The following CNTNAP2 variants were observed in gnomAD, a reference collection of about 807,000 sequenced individuals.
CNTNAP2 encodes the protein contactin-associated protein-like 2.
CNTNAP2 carries 98 observed loss-of-function variants against 155.2 expected under a neutral mutation model. The ratio of observed to expected loss-of-function variants is 0.63; its 90% confidence interval spans 0.54 to 0.75. CNTNAP2 has a LOEUF of 0.75. Ranked by LOEUF, CNTNAP2 falls within the 30% of genes least tolerant of loss-of-function variation. CNTNAP2 has a pLI of 0.00. For synonymous variants in CNTNAP2, 651 were observed against 631.2 expected (o/e 1.03, Z -0.47); for missense variants, 1,727 against 1,688.1 (o/e 1.02, Z -0.40).
At chr7:146,760,343 C>A (rs1327075447) in intron 1 of CNTNAP2, among the ~76,000 whole-genome samples, 2 of 149,992 alleles carry the variant, frequency 1.3e-5, no homozygotes, top group African/African-American at 4.9e-5. Flanking sequence ...ATATCTTTCA[C>A]CACTTTCTTC....
At chr7:148,231,252 C>G (rs902119249) in intron 20 of CNTNAP2, among the ~76,000 whole-genome samples, 13 of 152,028 alleles carry the variant, frequency 8.6e-5, no homozygotes, top group African/African-American at 3.1e-4. Flanking sequence ...AGACTTGGGG[C>G]TTTGGAGGCA....
intron 1 of CNTNAP2, among the ~76,000 whole-genome samples, chr7:146,561,625 C>G (rs937448578): frequency 4.6e-5 from 7 of 152,234 alleles, no homozygotes; most frequent in African/African-American, 1.7e-4. Context: ...AACCACTGCA[C>G]TCAGACTGGG....
At chr7:147,089,955 G>A (rs1800365083) in intron 4 of CNTNAP2, among the ~76,000 whole-genome samples, 2 of 152,216 alleles carry the variant, frequency 1.3e-5, no homozygotes, top group African/African-American at 4.8e-5. Flanking sequence ...ACAGAAAGCA[G>A]TGGAAGCAGA....
chr7:147,254,728 C>T lies in CNTNAP2; in HGVS notation c.1349-45413C>T, dbSNP rs138865030. Among the ~76,000 whole-genome samples, 252 of 152,240 alleles carry T rather than the reference C, an allele frequency of 1.7e-3. 1 individual carries two copies. Among genetic ancestry groups the T allele is most frequent in the African/African-American group, 5.8e-3 (241 of 41,542 alleles). Reference sequence around the variant, plus strand: ...ATTTAAGCTCATTCAAAACATACAGCTTGACATCTTAGAATCTGAGGAATG... The same window carrying T: ...ATTTAAGCTCATTCAAAACATACAGTTTGACATCTTAGAATCTGAGGAATG... On this transcript the variant is annotated intron_variant, in intron 8 of 23. Coordinates refer to ENST00000361727, the MANE Select transcript of CNTNAP2 (RefSeq NM_014141.6).
intron 21 of CNTNAP2, among the ~76,000 whole-genome samples, chr7:148,290,857 C>T (rs73466206): frequency 0.15 from 22,325 of 152,118 alleles, 2,000 homozygotes; most frequent in African/African-American, 0.24. Flanking sequence ...TCCCTGAGGA[C>T]CATCAATCGT....
chr7:147,219,144 T>C (rs1173188691), intron 8 of CNTNAP2, among the ~76,000 whole-genome samples: 1 of 152,168 alleles, frequency 6.6e-6, no homozygotes, highest in African/African-American at 2.4e-5. Context: ...TCTTTTATAA[T>C]GAACCCATTT....
At chr7:147,187,976 A>G (rs1367374582) in intron 8 of CNTNAP2, among the ~76,000 whole-genome samples, 1 of 152,066 alleles carries the variant, frequency 6.6e-6, no homozygotes, top group African/African-American at 2.4e-5. Context: ...TGGGAGGACC[A>G]TTTAAGCCCG....
At chr7:146,181,531 A>T (rs904976602) in intron 1 of CNTNAP2, among the ~76,000 whole-genome samples, 2 of 152,158 alleles carry the variant, frequency 1.3e-5, no homozygotes, top group Non-Finnish European at 2.9e-5. Flanking sequence ...GCCACTTGAT[A>T]ATACATTTTT....
Position 148,062,052 on chromosome 7 carries a change from T to C in CNTNAP2, c.2384-56066T>C. 1.3e-5 allele frequency among the ~76,000 whole-genome samples: 2 copies of C among 150,680 alleles called. 1 individual carries two copies. Among genetic ancestry groups the C allele is most frequent in the Non-Finnish European group, 3.0e-5 (2 of 67,666 alleles). ...GAGTGTGTGTGTGTGTGTGTGTGTG[T>C]GTGTGTGTGTGTGTGTGTGTGTGTT... On this transcript the variant is annotated intron_variant, in intron 15 of 23. Transcript: ENST00000361727.
At chr7:146,762,979 C>T (rs918661402) in intron 1 of CNTNAP2, among the ~76,000 whole-genome samples, 6 of 151,954 alleles carry the variant, frequency 3.9e-5, no homozygotes, top group Admixed American at 6.6e-5. Flanking sequence ...GGTGGGGACA[C>T]TGCTAAACCA....
At chr7:146,372,605 AAAGAGGCGAGT>A (rs373940779) in intron 1 of CNTNAP2, among the ~76,000 whole-genome samples, 133 of 151,612 alleles carry the variant, frequency 8.8e-4, no homozygotes, top group African/African-American at 2.8e-3. Flanking sequence ...TGATCACTTC[AAAGAGGCGAGT>A]AAGAGGCGAG....
chr7:147,469,071 C>CCCAT (rs1798167831), intron 10 of CNTNAP2, among the ~76,000 whole-genome samples: 1 of 152,118 alleles, frequency 6.6e-6, no homozygotes. Flanking sequence ...GATCCACCCA[C>CCCAT]CTCAGCCTCC....
chr7:147,520,106 C>T (rs1020175939), intron 11 of CNTNAP2, among the ~76,000 whole-genome samples: 3 of 152,004 alleles, frequency 2.0e-5, no homozygotes, highest in Non-Finnish European at 2.9e-5. Flanking sequence ...AGAATCCAGT[C>T]GTTGTATTTT....
chr7:146,337,540 C>G (rs531251449), intron 1 of CNTNAP2, among the ~76,000 whole-genome samples: 133 of 152,320 alleles, frequency 8.7e-4, no homozygotes, highest in African/African-American at 3.2e-3. Context: ...CTCACTGCAA[C>G]CTCCTCATCC....
chr7:146,556,375 G>C (rs1798198234), intron 1 of CNTNAP2, among the ~76,000 whole-genome samples: 1 of 152,114 alleles, frequency 6.6e-6, no homozygotes, highest in African/African-American at 2.4e-5. Context: ...ATCTCACCTT[G>C]TTTTAAGTGA....
intron 13 of CNTNAP2, among the ~76,000 whole-genome samples, chr7:147,882,769 AG>A (rs1353473548): frequency 8.8e-5 from 3 of 33,974 alleles, no homozygotes; most frequent in African/African-American, 3.7e-4. Context: ...TAAAGAAGAC[AG>A]ACAGGACAGA....
chr7:147,271,969 T>C (rs1042146965), intron 8 of CNTNAP2, among the ~76,000 whole-genome samples: 2 of 152,182 alleles, frequency 1.3e-5, no homozygotes, highest in African/African-American at 2.4e-5. Context: ...CTTGGCTCAC[T>C]GCAACCTCCA....
At chr7:146,916,602 CT>C (rs1324805278) in intron 3 of CNTNAP2, among the ~76,000 whole-genome samples, 2 of 151,934 alleles carry the variant, frequency 1.3e-5, no homozygotes, top group African/African-American at 2.4e-5. Context: ...TCTAGGTTTT[CT>C]AGTTTATGCA....
intron 1 of CNTNAP2, among the ~76,000 whole-genome samples, chr7:146,716,924 T>C (rs1801198284): frequency 1.3e-5 from 2 of 152,066 alleles, no homozygotes; most frequent in African/African-American, 4.8e-5. Context: ...ATCAGGAAAA[T>C]TAAAATAAAT....
Sources: gnomAD v4.1 joint callset for allele counts (sites outside exome capture counted in the v4.1 genomes callset) on GRCh38, gnomAD v4.1.1 for gene constraint, MANE v1.5 for transcripts, NCBI Gene and HGNC (gene_info 2026-07-23, HGNC 2026-07-21) for gene names.